INKA2: variants seen among roughly 807,000 people sequenced by gnomAD.
INKA2 encodes the protein inka box actin regulator 2.
A neutral mutation model predicts 9.8 loss-of-function variants in INKA2; 3 were observed. The ratio of observed to expected loss-of-function variants is 0.31; its 90% CI spans 0.14 to 0.79. The LOEUF (loss-of-function observed/expected upper bound fraction) is 0.79, where lower values mean the gene tolerates loss of function less well. Among genes scored for constraint, INKA2 ranks in the 30% least tolerant of loss-of-function variants. The pLI, the probability that INKA2 is intolerant of heterozygous loss-of-function variation, is 0.62. For synonymous variants in INKA2, 147 were observed against 143.3 expected, an observed-to-expected ratio of 1.03 and a Z score of -0.18; for missense variants, 392 against 384.4, an observed-to-expected ratio of 1.02 and a Z score of -0.17.
chr1:111,745,817 A>C (rs1346292443), intron 1 of INKA2: 1 of 152,166 alleles, frequency 6.6e-6, no homozygotes, highest in East Asian at 1.9e-4. Flanking sequence ...ATGGCCTGGA[A>C]CTCAGAGCAA....
At chr1:111,753,710 G>A (rs1663457487) in intron 1 of INKA2, 1 of 152,214 alleles carries the variant, frequency 6.6e-6, no homozygotes, top group African/African-American at 2.4e-5. Flanking sequence ...GCCATTCAAT[G>A]TTTATTGGGT....
intron 1 of INKA2, chr1:111,745,756 G>A (rs988007483): frequency 1.3e-5 from 2 of 152,186 alleles, no homozygotes; most frequent in Non-Finnish European, 2.9e-5. Context: ...GGGACATTCT[G>A]TAACATCTGA....
At chr1:111,750,687 A>AT (rs1475004019) in intron 1 of INKA2, among the ~76,000 whole-genome samples, 9 of 152,170 alleles carry the variant, frequency 5.9e-5, no homozygotes, top group African/African-American at 1.9e-4. Context: ...TACTTGCCTC[A>AT]TATTAGATCC....
chr1:111,744,876 C>A (rs1167914416), intron 1 of INKA2, among the ~76,000 whole-genome samples: 1 of 152,116 alleles, frequency 6.6e-6, no homozygotes, highest in South Asian at 2.1e-4. Flanking sequence ...CTCTCACAAC[C>A]TTTACTTCTT....
chr1:111,741,797 C>A (rs751736929), upstream of INKA2, among the ~76,000 whole-genome samples: 22 of 152,182 alleles, frequency 1.4e-4, no homozygotes, highest in Non-Finnish European at 2.8e-4. Flanking sequence ...CTCACTGCAA[C>A]CTCTACCTCC....
chr1:111,755,614 G>A (rs938036379), intron 1 of INKA2: 23 of 1,536,612 alleles, frequency 1.5e-5, no homozygotes, highest in Admixed American at 1.9e-5. Flanking sequence ...CGGCTGGGCG[G>A]CTCCGCCCAG....
At position 111,727,308 on chromosome 1, in the gene INKA2, C is replaced by T. The variant is rs202157291; in HGVS notation, c.554G>A (p.Gly185Glu). 2.0e-5 allele frequency: 33 copies of T among 1,614,174 alleles called. No homozygotes were observed. The East Asian group carries it at 6.0e-4, about 29-fold the overall frequency. Residue 185 changes from glycine to glutamate, a missense_variant, in exon 2 of 2, where the codon GGG becomes GAG. By Grantham distance (98) the Gly-to-Glu change is moderately conservative. Coordinates refer to ENST00000357260, the MANE Select transcript of INKA2 (RefSeq NM_019099.5). Reference sequence around the variant, plus strand: ...CTCTCCTTTGGGTTCACGTGCCCCCCCAGTCTCACCCTTCTCCCCACCCTT... The same window carrying T: ...CTCTCCTTTGGGTTCACGTGCCCCCTCAGTCTCACCCTTCTCCCCACCCTT... ...LEKGGEKGET[G>E]GAREPKGEKG...
chr1:111,736,226 A>G (rs1374869815), intron 1 of INKA2, among the ~76,000 whole-genome samples: 7 of 152,172 alleles, frequency 4.6e-5, no homozygotes, highest in South Asian at 2.1e-4. Flanking sequence ...TTCTCCTGCC[A>G]CATTTCATCC....
chr1:111,722,710 A>G lies in INKA2; in HGVS notation c.*4258T>C, dbSNP rs76860170. On this transcript the variant is annotated 3_prime_UTR_variant, in exon 2 of 2. Coordinates refer to ENST00000357260, the MANE Select transcript of INKA2 (RefSeq NM_019099.5). ...TGGGTGGCTAGTATACAGTGTACAAAAACATGTCACCTATTGTCTTCTCTG... is the reference window on the plus strand; with the variant it reads ...TGGGTGGCTAGTATACAGTGTACAAGAACATGTCACCTATTGTCTTCTCTG... 1,360 of 203,184 alleles carry G rather than the reference A, an allele frequency of 6.7e-3. 18 individuals are homozygous for G. The highest frequency in any genetic ancestry group is 0.03 in the African/African-American group (1,291 of 42,544). The allele number at this position is 203,184 out of a possible 1,614,324, so 12.6% of individuals were successfully genotyped here. A position where few individuals can be genotyped will look rare whatever the true frequency, so the allele number is the denominator to read the frequency against.
intron 1 of INKA2, 76 bp from the exon 2 acceptor site, chr1:111,727,880 T>G (rs1268129918): frequency 7.0e-7 from 1 of 1,420,248 alleles, no homozygotes; most frequent in Non-Finnish European, 9.8e-7. Context: ...TGAACTTAGG[T>G]CCCCCACCCA....
Position 111,726,268 on chromosome 1 carries a change from A to ACTTCCC in INKA2, c.*699_*700insGGGAAG, listed in dbSNP as rs1468670346. 1 of 387,798 alleles carries ACTTCCC rather than the reference A, an allele frequency of 2.6e-6. No individual in the cohort carries two copies. The highest frequency in any genetic ancestry group is 4.6e-6 in the Non-Finnish European group (1 of 219,620). 24.0% of individuals were successfully genotyped at this position (387,798 alleles called of 1,614,324 possible). ...ATTCAAACAGCCCAGTGCTATGTCA[A>ACTTCCC]CATCCTTCCCCTGTGCATGGGGGAG... On this transcript the variant is annotated 3_prime_UTR_variant, in exon 2 of 2. Coordinates refer to ENST00000357260, the MANE Select transcript of INKA2 (RefSeq NM_019099.5).
chr1:111,729,363 G>C (rs1662855438), intron 1 of INKA2, among the ~76,000 whole-genome samples: 1 of 152,204 alleles, frequency 6.6e-6, no homozygotes, highest in African/African-American at 2.4e-5. Flanking sequence ...TCTTAGCCCA[G>C]TTGGCTCTGC....
intron 1 of INKA2, chr1:111,746,484 G>C (rs1663277144): frequency 6.6e-6 from 1 of 152,220 alleles, no homozygotes; most frequent in Admixed American, 6.5e-5. Context: ...AATAGAGAGT[G>C]AATAATGAAT....
chr1:111,737,209 C>T (rs1663025687), intron 1 of INKA2, among the ~76,000 whole-genome samples: 1 of 152,198 alleles, frequency 6.6e-6, no homozygotes, highest in African/African-American at 2.4e-5. Flanking sequence ...TTCAGCTTCT[C>T]CCTTTCCTCC....
At chr1:111,748,859 T>C (rs1663330356) in intron 1 of INKA2, among the ~76,000 whole-genome samples, 1 of 152,188 alleles carries the variant, frequency 6.6e-6, no homozygotes, top group African/African-American at 2.4e-5. Context: ...TTCCTGGCTA[T>C]TGCCTCCCCC....
intron 1 of INKA2, chr1:111,747,372 C>G (rs892342563): frequency 2.6e-5 from 4 of 152,262 alleles, no homozygotes; most frequent in African/African-American, 9.6e-5. Flanking sequence ...CAAACCCCGC[C>G]TGGTAACTGT....
At chr1:111,747,554 G>A (rs1663301540) in intron 1 of INKA2, 1 of 152,332 alleles carries the variant, frequency 6.6e-6, no homozygotes, top group African/African-American at 2.4e-5. Context: ...CCCTGTCCTT[G>A]GCTCCCCATG....
At position 111,724,842 on chromosome 1, in the gene INKA2, T is replaced by C. The variant is rs1313420412; in HGVS notation, c.*2126A>G. ...CAACCCTCTGTTCAAATCTCTGTCC[T>C]TTCCTTTGCTAGCAGCCTAATCGGG... On this transcript the variant is annotated 3_prime_UTR_variant, in exon 2 of 2. Transcript: ENST00000357260. 2.0e-5 allele frequency: 3 copies of C among 152,196 alleles called. No individual in the cohort carries two copies. The highest frequency in any genetic ancestry group is 4.4e-5 in the Non-Finnish European group (3 of 68,066). 9.4% of individuals were successfully genotyped at this position (152,196 alleles called of 1,614,324 possible). A position where few individuals can be genotyped will look rare whatever the true frequency, so the allele number is the denominator to read the frequency against.
intron 1 of INKA2, among the ~76,000 whole-genome samples, chr1:111,748,720 G>T (rs1287329881): frequency 2.6e-5 from 4 of 152,212 alleles, no homozygotes; most frequent in African/African-American, 9.6e-5. Flanking sequence ...TTCTGGGCCT[G>T]TCAGTTTAAT....
Sources: gnomAD v4.1 joint callset for allele counts (sites outside exome capture counted in the v4.1 genomes callset) on GRCh38, gnomAD v4.1.1 for gene constraint, MANE v1.5 for transcripts, NCBI Gene and HGNC (gene_info 2026-07-23, HGNC 2026-07-21) for gene names.